KCNIP4: variants seen among roughly 807,000 people sequenced by gnomAD.
The protein encoded by KCNIP4 is Kv channel-interacting protein 4.
KCNIP4 carries 12 observed loss-of-function variants against 34.0 expected under a neutral mutation model. The ratio of observed to expected loss-of-function variants is 0.35; its 90% CI spans 0.23 to 0.57. The LOEUF is 0.57. KCNIP4 is among the 20% of genes least tolerant of loss of function. The pLI is 0.83. For missense variants in KCNIP4, 238 were observed against 311.7 expected, an observed-to-expected ratio of 0.76 and a Z score of 1.78; for synonymous variants, 124 against 102.2, an observed-to-expected ratio of 1.21 and a Z score of -1.29.
At chr4:21,608,592 G>A (rs1743904130) in intron 1 of KCNIP4, among the ~76,000 whole-genome samples, 1 of 152,116 alleles carries the variant, frequency 6.6e-6, no homozygotes, top group Admixed American at 6.6e-5. Context: ...GGGGCCTCCA[G>A]GATAATCTCC....
At chr4:21,165,680 T>A (rs2109279831) in intron 1 of KCNIP4, among the ~76,000 whole-genome samples, 1 of 152,210 alleles carries the variant, frequency 6.6e-6, no homozygotes, top group Admixed American at 6.5e-5. Flanking sequence ...ATAAAAAAAT[T>A]AAGTGGGACT....
chr4:21,168,218 C>A (rs1012960240), intron 1 of KCNIP4, among the ~76,000 whole-genome samples: 9 of 152,148 alleles, frequency 5.9e-5, no homozygotes, highest in African/African-American at 2.2e-4. Flanking sequence ...GTTGCCTTTA[C>A]CCCAGGCTTC....
chr4:21,556,930 A>AAAAAAAACAAAAAAAAAC lies in KCNIP4; in HGVS notation c.61+391640_61+391641insGTTTTTTTTTGTTTTTTT, dbSNP rs1553903111. On this transcript the variant is annotated intron_variant, in intron 1 of 8. Coordinates refer to ENST00000382152, the MANE Select transcript of KCNIP4 (RefSeq NM_025221.6). Reference sequence around the variant, plus strand: ...AGCAAGACTCCATCTCAGAAAAAAAAAAAAAAAAAAAAACCAGAAAACAAA... The same window carrying AAAAAAAACAAAAAAAAAC: ...AGCAAGACTCCATCTCAGAAAAAAAAAAAAAAACAAAAAAAAACAAAAAAAAAAAAACCAGAAAACAAA... 2.1e-3 allele frequency among the ~76,000 whole-genome samples: 224 copies of AAAAAAAACAAAAAAAAAC among 108,232 alleles called. 15 individuals carry two copies. The highest frequency in any genetic ancestry group is 0.012 in the Middle Eastern group (2 of 166). 71.0% of individuals were successfully genotyped at this position (108,232 alleles called of 152,430 possible). A position where few individuals can be genotyped will look rare whatever the true frequency, so the allele number is the denominator to read the frequency against.
At chr4:21,553,254 C>G (rs564409079) in intron 1 of KCNIP4, among the ~76,000 whole-genome samples, 1 of 152,240 alleles carries the variant, frequency 6.6e-6, no homozygotes, top group East Asian at 1.9e-4. Context: ...TAGCAAACTT[C>G]AAACTGCCAT....
At chr4:20,881,479 C>A (rs1302268059) in intron 2 of KCNIP4, among the ~76,000 whole-genome samples, 1 of 151,810 alleles carries the variant, frequency 6.6e-6, no homozygotes, top group Non-Finnish European at 1.5e-5. Flanking sequence ...ATAACACCAC[C>A]TTCTCTGTCT....
chr4:21,039,925 T>A (rs1741800719), intron 1 of KCNIP4, among the ~76,000 whole-genome samples: 1 of 152,170 alleles, frequency 6.6e-6, no homozygotes, highest in African/African-American at 2.4e-5. Flanking sequence ...GAGATTTAAT[T>A]GACTCACAGT....
chr4:21,802,676 C>T (rs1196977164), intron 1 of KCNIP4, among the ~76,000 whole-genome samples: 1 of 152,116 alleles, frequency 6.6e-6, no homozygotes, highest in Admixed American at 6.5e-5. Context: ...GAATTAATCA[C>T]TCTCTGAACA....
intron 1 of KCNIP4, among the ~76,000 whole-genome samples, chr4:21,946,096 G>C (rs1245524069): frequency 6.6e-6 from 1 of 151,088 alleles, no homozygotes; most frequent in South Asian, 2.1e-4. Flanking sequence ...ATTGCAACTC[G>C]ACTCTGTTCT....
chr4:21,542,537 T>C (rs1156894360), intron 1 of KCNIP4, among the ~76,000 whole-genome samples: 1 of 151,932 alleles, frequency 6.6e-6, no homozygotes, highest in Non-Finnish European at 1.5e-5. Flanking sequence ...GAAATTACCT[T>C]TATTGATATT....
intron 1 of KCNIP4, among the ~76,000 whole-genome samples, chr4:21,527,994 C>G (rs1042914950): frequency 6.6e-6 from 1 of 152,038 alleles, no homozygotes; most frequent in African/African-American, 2.4e-5. Context: ...TTTATGTATT[C>G]CTTACTTCCT....
intron 1 of KCNIP4, among the ~76,000 whole-genome samples, chr4:21,822,578 T>C (rs946600128): frequency 6.6e-6 from 1 of 152,180 alleles, no homozygotes; most frequent in Non-Finnish European, 1.5e-5. Flanking sequence ...GTAGTTTACA[T>C]GGGATTACAA....
chr4:21,204,951 T>C (rs954732940), intron 1 of KCNIP4, among the ~76,000 whole-genome samples: 1 of 152,166 alleles, frequency 6.6e-6, no homozygotes, highest in South Asian at 2.1e-4. Flanking sequence ...CTACAATAAG[T>C]GGGACTTTCA....
intron 1 of KCNIP4, among the ~76,000 whole-genome samples, chr4:21,350,377 C>T (rs1359143630): frequency 6.6e-6 from 1 of 151,914 alleles, no homozygotes; most frequent in African/African-American, 2.4e-5. Context: ...TAATTGAGAC[C>T]CCCACCAGTG....
At chr4:21,756,000 TTTTTAA>T (rs1717489742) in intron 1 of KCNIP4, among the ~76,000 whole-genome samples, 2 of 152,204 alleles carry the variant, frequency 1.3e-5, no homozygotes, top group African/African-American at 4.8e-5. Flanking sequence ...ACGCAACACA[TTTTTAA>T]TTTTATCAGC....
chr4:20,791,826 A>G (rs2149404839), intron 3 of KCNIP4, among the ~76,000 whole-genome samples: 1 of 152,318 alleles, frequency 6.6e-6, no homozygotes, highest in South Asian at 2.1e-4. Flanking sequence ...GCCTTCCATA[A>G]TATGAGAGTT....
At chr4:20,945,559 T>C (rs1250216644) in intron 1 of KCNIP4, among the ~76,000 whole-genome samples, 1 of 152,166 alleles carries the variant, frequency 6.6e-6, no homozygotes, top group Non-Finnish European at 1.5e-5. Flanking sequence ...CCAACCAAAC[T>C]CACTTGAATC....
chr4:21,029,665 C>A (rs1740838608), intron 1 of KCNIP4, among the ~76,000 whole-genome samples: 2 of 152,132 alleles, frequency 1.3e-5, no homozygotes, highest in Non-Finnish European at 2.9e-5. Context: ...GCCATCTGGG[C>A]CTCTGTTGTT....
At chr4:20,943,725 G>A (rs907032296) in intron 1 of KCNIP4, among the ~76,000 whole-genome samples, 20 of 152,132 alleles carry the variant, frequency 1.3e-4, no homozygotes, top group Non-Finnish European at 2.6e-4. Flanking sequence ...TGACACTGCA[G>A]GACCAATGAG....
chr4:21,795,080 T>C (rs1437035868), intron 1 of KCNIP4, among the ~76,000 whole-genome samples: 1 of 152,140 alleles, frequency 6.6e-6, no homozygotes, highest in Non-Finnish European at 1.5e-5. Flanking sequence ...ACTGAGATTG[T>C]ACCTCAAAAT....
Sources: allele counts gnomAD v4.1 joint callset (sites outside exome capture counted in the v4.1 genomes callset), GRCh38; gene constraint gnomAD v4.1.1; transcripts MANE v1.5; gene names NCBI Gene and HGNC (gene_info 2026-07-23, HGNC 2026-07-21).